The following ADRA1A variants were observed in gnomAD, a reference collection of about 807,000 sequenced individuals.
The protein encoded by ADRA1A is alpha-1A adrenergic receptor.
A neutral mutation model predicts 29.6 loss-of-function variants in ADRA1A; 31 were observed. The observed-to-expected ratio is 1.05, with a 90% CI of 0.79 to 1.41. The LOEUF is 1.41. Ranked by LOEUF, ADRA1A falls within the 40% of genes most tolerant of loss-of-function variation. ADRA1A has a pLI of 0.00. For synonymous variants in ADRA1A, 311 were observed against 254.3 expected, an observed-to-expected ratio of 1.22 and a Z score of -2.12; for missense variants, 619 against 601.1, an observed-to-expected ratio of 1.03 and a Z score of -0.31.
intron 2 of ADRA1A, among the ~76,000 whole-genome samples, chr8:26,859,885 A>T (rs1293103682): frequency 6.6e-6 from 1 of 151,598 alleles, no homozygotes; most frequent in African/African-American, 2.4e-5. Context: ...CTCCAGCCTC[A>T]GCCTACCAGG....
intron 2 of ADRA1A, among the ~76,000 whole-genome samples, chr8:26,797,227 A>T (rs374164326): frequency 1.8e-4 from 27 of 152,312 alleles, no homozygotes; most frequent in African/African-American, 6.0e-4. Context: ...AAATTTGGAA[A>T]ATCCAGTTTG....
downstream of ADRA1A, among the ~76,000 whole-genome samples, chr8:26,763,363 G>T (rs1805614690): frequency 6.6e-6 from 1 of 152,176 alleles, no homozygotes; most frequent in African/African-American, 2.4e-5. The surrounding 1 kb of genome is among the most constrained non-coding windows in gnomAD (Gnocchi z 4.5). Flanking sequence ...TGTATTTATT[G>T]TTGCTACTCT....
chr8:26,864,447 T>C lies in ADRA1A; in HGVS notation c.523A>G (p.Ile175Val). 1.2e-6 allele frequency: 2 copies of C among 1,613,452 alleles called. No homozygotes were observed. Among genetic ancestry groups the C allele is most frequent in the East Asian group, 2.2e-5 (1 of 44,856 alleles). Residue 175 changes from isoleucine to valine, a missense_variant, in exon 2 of 3, where the codon ATC becomes GTC. Coordinates refer to ENST00000380573, the MANE Select transcript of ADRA1A (RefSeq NM_000680.4). The surrounding 1 kb of genome is among the most constrained non-coding windows in gnomAD (Gnocchi z 8.1). Reference sequence around the variant, plus strand: ...CCCGGCTCCTCGTTGATCTGGCAGATGGTCTCGTCCTCGGGGGCCGGCTGC... The same window carrying C: ...CCCGGCTCCTCGTTGATCTGGCAGACGGTCTCGTCCTCGGGGGCCGGCTGC... ...WRQPAPEDETICQINEEPGYV... is the reference protein window; with the variant it reads ...WRQPAPEDETVCQINEEPGYV...
intron 2 of ADRA1A, among the ~76,000 whole-genome samples, chr8:26,777,744 C>T (rs1806657895): frequency 6.6e-6 from 1 of 152,184 alleles, no homozygotes; most frequent in African/African-American, 2.4e-5. Flanking sequence ...TCTCCTCTTG[C>T]ATGGGGCAAA....
chr8:26,844,662 A>T (rs1812071043), intron 2 of ADRA1A, among the ~76,000 whole-genome samples: 1 of 152,192 alleles, frequency 6.6e-6, no homozygotes, highest in Admixed American at 6.5e-5. Flanking sequence ...TGATGCTTGG[A>T]CAATTGGATT....
downstream of ADRA1A, among the ~76,000 whole-genome samples, chr8:26,751,498 G>A (rs897273598): frequency 7.9e-5 from 12 of 152,158 alleles, no homozygotes; most frequent in Admixed American, 7.9e-4. Context: ...AAATTGAAAA[G>A]TAAAGGAACA....
intron 2 of ADRA1A, 101 bp downstream of exon 2, chr8:26,863,986 C>T (rs1813666191): frequency 7.9e-7 from 1 of 1,269,050 alleles, no homozygotes; most frequent in South Asian, 1.5e-5. Context: ...GTTTGAAATG[C>T]TAATCCTTCC....
chr8:26,770,720 T>A, intron 2 of ADRA1A, 54 bp from the exon 3 acceptor site: 1 of 1,531,530 alleles, frequency 6.5e-7, no homozygotes, highest in Non-Finnish European at 8.7e-7. Flanking sequence ...GCAAGCCAAT[T>A]GGCTAGGAAA....
At chr8:26,819,102 G>A (rs1159557643) in intron 2 of ADRA1A, among the ~76,000 whole-genome samples, 7 of 152,084 alleles carry the variant, frequency 4.6e-5, no homozygotes, top group Non-Finnish European at 1.0e-4. Flanking sequence ...GAGAAAAGCA[G>A]GAAAATTCCA....
intron 2 of ADRA1A, among the ~76,000 whole-genome samples, chr8:26,782,144 G>C (rs759014503): frequency 6.6e-5 from 10 of 152,154 alleles, no homozygotes; most frequent in Non-Finnish European, 1.3e-4. Flanking sequence ...CCCAGCTCCT[G>C]TGCAGCTCCC....
At position 26,865,428 on chromosome 8, in the gene ADRA1A, C is replaced by G. The variant is rs192591538; in HGVS notation, c.-459G>C. On this transcript the variant is annotated 5_prime_UTR_variant, in exon 2 of 3. Coordinates refer to ENST00000380573, the MANE Select transcript of ADRA1A (RefSeq NM_000680.4). This position sits in a 1 kb window ranked among gnomAD's most constrained non-coding sequence, Gnocchi z 7.6. ...TTCAAAACTCCAGCGCCAGTCTCTCCCTCAAACCAAAAGATCAGCCGTCGA... is the reference window on the plus strand; with the variant it reads ...TTCAAAACTCCAGCGCCAGTCTCTCGCTCAAACCAAAAGATCAGCCGTCGA... 3.0e-6 allele frequency: 3 copies of G among 1,002,984 alleles called. No individual in the cohort carries two copies. The African/African-American group carries it at 5.2e-5, about 17-fold the overall frequency. The allele number at this position is 1,002,984 out of a possible 1,614,324, so 62.1% of individuals were successfully genotyped here. A position where few individuals can be genotyped will look rare whatever the true frequency, so the allele number is the denominator to read the frequency against.
rs1810963573 is a variant in ADRA1A at position 26,831,396 on chromosome 8, G to A, written c.883+32691C>T. On this transcript the variant is annotated intron_variant, in intron 2 of 2. Transcript: ENST00000380573. This position sits in a 1 kb window ranked among gnomAD's most constrained non-coding sequence, Gnocchi z 5.2. ...AGAGAGAGAGAAGGAGAGAGAGAAA[G>A]AGAGAGAGCCTGCTATGCCATGGCC... is the stretch of plus-strand genomic sequence containing the variant. Among the ~76,000 whole-genome samples, 1 of 152,130 alleles carries A rather than the reference G, an allele frequency of 6.6e-6. No homozygotes were observed. Among genetic ancestry groups the A allele is most frequent in the Admixed American group, 6.6e-5 (1 of 15,252 alleles).
intron 2 of ADRA1A, among the ~76,000 whole-genome samples, chr8:26,786,587 A>G (rs149679781): frequency 1.1e-4 from 17 of 152,084 alleles, no homozygotes; most frequent in Admixed American, 1.1e-3. Flanking sequence ...TCTCTGCACC[A>G]GGCCCTTCAC....
rs1224414501 is a variant in ADRA1A at position 26,825,272 on chromosome 8, T to G, written c.883+38815A>C. ...AGAGATATCTTCACTCTCTAGCTTGTTTTCTTCTTTCTGATTGTAGCTCAG... is the reference window on the plus strand; with the variant it reads ...AGAGATATCTTCACTCTCTAGCTTGGTTTCTTCTTTCTGATTGTAGCTCAG... On this transcript the variant is annotated intron_variant, in intron 2 of 2. Transcript: ENST00000380573. This position sits in a 1 kb window ranked among gnomAD's most constrained non-coding sequence, Gnocchi z 5.7. Among the ~76,000 whole-genome samples, 1 of 152,148 alleles carries G rather than the reference T, an allele frequency of 6.6e-6. No individual in the cohort carries two copies. Among genetic ancestry groups the G allele is most frequent in the Non-Finnish European group, 1.5e-5 (1 of 68,030 alleles).
chr8:26,766,328 G>C (rs1190726179), downstream of ADRA1A, among the ~76,000 whole-genome samples: 1 of 152,166 alleles, frequency 6.6e-6, no homozygotes, highest in Non-Finnish European at 1.5e-5. Context: ...GCATTTTACT[G>C]TTCTTGGCCA....
At chr8:26,801,400 T>C (rs1408044434) in intron 2 of ADRA1A, among the ~76,000 whole-genome samples, 1 of 152,200 alleles carries the variant, frequency 6.6e-6, no homozygotes, top group African/African-American at 2.4e-5. Context: ...ACTGAAAAGC[T>C]ATTAGTACTG....
At position 26,864,152 on chromosome 8, in the gene ADRA1A, G is replaced by A. The variant is rs1218686921; in HGVS notation, c.818C>T (p.Thr273Met). The A allele has an allele frequency of 1.9e-6, 3 of 1,614,150 alleles. No homozygotes were observed. Among genetic ancestry groups the A allele is most frequent in the East Asian group, 4.5e-5 (2 of 44,876 alleles). Reference protein sequence around the residue: ...KFSREKKAAKTLGIVVGCFVL... With the variant: ...KFSREKKAAKMLGIVVGCFVL... The stretch of plus-strand genomic sequence containing the variant: ...GAAGCAGCCGACCACGATGCCCAGC[G>A]TTTTGGCCGCTTTCTTCTCCCGGGA... Residue 273 changes from threonine (T) to methionine (M), a missense_variant, in exon 2 of 3, where the codon ACG becomes ATG. Coordinates refer to ENST00000380573, the MANE Select transcript of ADRA1A (RefSeq NM_000680.4). This position sits in a 1 kb window ranked among gnomAD's most constrained non-coding sequence, Gnocchi z 8.1.
intron 2 of ADRA1A, among the ~76,000 whole-genome samples, chr8:26,839,043 C>A (rs1390620593): frequency 6.6e-6 from 1 of 152,110 alleles, no homozygotes; most frequent in Non-Finnish European, 1.5e-5. Context: ...TCAAGATAGA[C>A]TTGCAAGCAA....
In ADRA1A at chr8:26,846,546, A is replaced by T. The variant is rs191693003; in HGVS notation, c.883+17541T>A. Among the ~76,000 whole-genome samples the T allele has an allele frequency of 1.6e-4, 25 of 152,276 alleles. No homozygotes were observed. In the East Asian group the frequency reaches 4.8e-3, roughly 29 times the overall value. Reference sequence around the variant, plus strand: ...CACTTTGGGAGGCCGAGGTGGGTGGATCACTTGAGGTCAGGAGTTCGAGAC... The same window carrying T: ...CACTTTGGGAGGCCGAGGTGGGTGGTTCACTTGAGGTCAGGAGTTCGAGAC... On this transcript the variant is annotated intron_variant, in intron 2 of 2. Transcript: ENST00000380573.
Sources: gnomAD v4.1 joint callset for allele counts (sites outside exome capture counted in the v4.1 genomes callset) on GRCh38, gnomAD v4.1.1 for gene constraint, Gnocchi (gnomAD v3.1) non-coding constraint, MANE v1.5 for transcripts, NCBI Gene and HGNC (gene_info 2026-07-23, HGNC 2026-07-21) for gene names.